Variants in LRRC4C observed in about 807,000 individuals in gnomAD.
LRRC4C encodes leucine-rich repeat-containing protein 4C.
In LRRC4C, 5 loss-of-function variants were observed where a neutral mutation model predicts 33.6. The observed-to-expected ratio is 0.15, with a 90% CI of 0.08 to 0.31. The LOEUF (loss-of-function observed/expected upper bound fraction) is 0.31, where lower values mean the gene tolerates loss of function less well. Ranked by LOEUF, LRRC4C falls within the 10% of genes least tolerant of loss-of-function variation. The probability of loss-of-function intolerance (pLI) is 1.00; values close to 1 mark genes in which losing one functional copy is unlikely to be tolerated. For synonymous variants in LRRC4C, 329 were observed against 302.0 expected (o/e 1.09, Z -0.93); for missense variants, 560 against 796.7 (o/e 0.70, Z 3.58).
intron 3 of LRRC4C, among the ~76,000 whole-genome samples, chr11:40,624,348 C>A (rs78847192): frequency 1.3e-5 from 2 of 152,170 alleles, no homozygotes; most frequent in African/African-American, 2.4e-5. Context: ...ATTACTAATT[C>A]CACCTGAATT....
At chr11:40,988,961 TCGTGTGC>T (rs1352952909) in intron 1 of LRRC4C, among the ~76,000 whole-genome samples, 2 of 151,822 alleles carry the variant, frequency 1.3e-5, no homozygotes, top group Non-Finnish European at 2.9e-5. Context: ...ACCTGGTGAT[TCGTGTGC>T]CTTGGCCTCC....
intron 2 of LRRC4C, among the ~76,000 whole-genome samples, chr11:40,810,041 A>G (rs796703326): frequency 2.6e-5 from 4 of 152,264 alleles, no homozygotes; most frequent in African/African-American, 9.6e-5. Context: ...ATATTTTTAA[A>G]ACCTTTGTCT....
At chr11:41,236,320 T>G (rs1948020902) in intron 1 of LRRC4C, among the ~76,000 whole-genome samples, 1 of 152,100 alleles carries the variant, frequency 6.6e-6, no homozygotes, top group Non-Finnish European at 1.5e-5. Flanking sequence ...AACCACTTTT[T>G]GTTTAGCTAA....
intron 1 of LRRC4C, among the ~76,000 whole-genome samples, chr11:40,965,786 T>C (rs1338536703): frequency 6.6e-6 from 1 of 152,142 alleles, no homozygotes; most frequent in Non-Finnish European, 1.5e-5. Flanking sequence ...GGAGTATAGT[T>C]TGAAGTCAGG....
intron 1 of LRRC4C, among the ~76,000 whole-genome samples, chr11:41,329,029 T>C (rs1256344107): frequency 6.6e-6 from 1 of 152,112 alleles, no homozygotes; most frequent in African/African-American, 2.4e-5. Flanking sequence ...GACTGAAAAA[T>C]AGTATGTGTT....
chr11:40,924,822 T>C (rs1957346419), intron 2 of LRRC4C, among the ~76,000 whole-genome samples: 1 of 152,040 alleles, frequency 6.6e-6, no homozygotes, highest in Admixed American at 6.6e-5. Context: ...AAGGCTAAAA[T>C]AAGAAAATAT....
At chr11:40,935,288 A>T (rs1447212443) in intron 1 of LRRC4C, among the ~76,000 whole-genome samples, 1 of 152,202 alleles carries the variant, frequency 6.6e-6, no homozygotes, top group East Asian at 1.9e-4. Flanking sequence ...TTCAAAATTC[A>T]GTCCCTTTAC....
intron 5 of LRRC4C, among the ~76,000 whole-genome samples, chr11:40,191,335 A>T (rs932203072): frequency 6.6e-6 from 1 of 152,224 alleles, no homozygotes; most frequent in African/African-American, 2.4e-5. Context: ...AAAATACTGT[A>T]GATGTTTCAC....
intron 1 of LRRC4C, among the ~76,000 whole-genome samples, chr11:41,242,845 G>C (rs539234436): frequency 1.3e-5 from 2 of 152,134 alleles, no homozygotes; most frequent in South Asian, 4.1e-4. Context: ...ATGCTATCCT[G>C]GGTATCTTAA....
intron 5 of LRRC4C, among the ~76,000 whole-genome samples, chr11:40,225,223 T>C (rs1477247384): frequency 6.6e-6 from 1 of 152,164 alleles, no homozygotes; most frequent in African/African-American, 2.4e-5. Flanking sequence ...CTGAACTCCA[T>C]TAAAAAAATT....
intron 1 of LRRC4C, among the ~76,000 whole-genome samples, chr11:40,984,893 CTTTTTT>C (rs562785410): frequency 2.9e-4 from 15 of 52,272 alleles, no homozygotes; most frequent in African/African-American, 3.2e-4. Context: ...CTCACTGACA[CTTTTTT>C]TTTTTTTTTT....
chr11:40,633,099 T>A (rs1963603257), intron 3 of LRRC4C, among the ~76,000 whole-genome samples: 1 of 152,186 alleles, frequency 6.6e-6, no homozygotes, highest in South Asian at 2.1e-4. Context: ...TATTATTTAA[T>A]AAGTGGTAGT....
chr11:40,855,786 CT>C (rs920931490), intron 2 of LRRC4C, among the ~76,000 whole-genome samples: 60 of 151,112 alleles, frequency 4.0e-4, no homozygotes, highest in African/African-American at 1.3e-3. Context: ...CTTTAAATGT[CT>C]TTTTTTTTAT....
chr11:41,180,074 A>C (rs985295), intron 1 of LRRC4C, among the ~76,000 whole-genome samples: 27,230 of 152,186 alleles, frequency 0.18, 2,955 homozygotes, highest in East Asian at 0.37. Flanking sequence ...GGAAGGGAAA[A>C]TCTAATAGTT....
At chr11:41,446,249 G>A (rs901392955) in intron 1 of LRRC4C, among the ~76,000 whole-genome samples, 18 of 152,326 alleles carry the variant, frequency 1.2e-4, no homozygotes, top group Non-Finnish European at 2.6e-4. Context: ...TAGGAAATGA[G>A]TAATGCTTGT....
chr11:41,169,598 C>T (rs1399626725), intron 1 of LRRC4C, among the ~76,000 whole-genome samples: 1 of 152,110 alleles, frequency 6.6e-6, no homozygotes, highest in Non-Finnish European at 1.5e-5. Context: ...TTCCATGATT[C>T]TATTTGGTCC....
At chr11:40,971,826 G>A (rs1042463267) in intron 1 of LRRC4C, among the ~76,000 whole-genome samples, 10 of 152,186 alleles carry the variant, frequency 6.6e-5, no homozygotes, top group South Asian at 2.1e-4. Context: ...ACACCAGTAT[G>A]TCCTGGATGT....
intron 2 of LRRC4C, among the ~76,000 whole-genome samples, chr11:40,820,807 C>T (rs889433552): frequency 2.6e-5 from 4 of 151,670 alleles, no homozygotes; most frequent in African/African-American, 9.7e-5. Context: ...ACTGGAGTTT[C>T]TGATCAGTGT....
At chr11:40,503,873 T>G (rs1341320250) in intron 3 of LRRC4C, among the ~76,000 whole-genome samples, 1 of 152,154 alleles carries the variant, frequency 6.6e-6, no homozygotes, top group Non-Finnish European at 1.5e-5. Flanking sequence ...TTGATACATT[T>G]GTGTGGATAT....
Sources: allele counts gnomAD v4.1 joint callset (sites outside exome capture counted in the v4.1 genomes callset), GRCh38; gene constraint gnomAD v4.1.1; transcripts MANE v1.5; gene names NCBI Gene and HGNC (gene_info 2026-07-23, HGNC 2026-07-21).